The following SCAPER variants were observed in gnomAD, a reference collection of about 807,000 sequenced individuals.
SCAPER encodes the protein S phase cyclin A-associated protein in the endoplasmic reticulum.
A neutral mutation model predicts 182.2 loss-of-function variants in SCAPER; 98 were observed. The observed-to-expected ratio is 0.54, with a 90% CI of 0.46 to 0.64. The LOEUF is 0.64. SCAPER is among the 30% of genes least tolerant of loss of function. The pLI, the probability that SCAPER is intolerant of heterozygous loss-of-function variation, is 0.00. For missense variants in SCAPER, 1,432 were observed against 1,690.0 expected (o/e 0.85, Z 2.68); for synonymous variants, 605 against 564.6 (o/e 1.07, Z -1.01).
intron 5 of SCAPER, among the ~76,000 whole-genome samples, chr15:76,831,099 A>G (rs1394366770): frequency 6.6e-6 from 1 of 152,164 alleles, no homozygotes; most frequent in Non-Finnish European, 1.5e-5. Context: ...TCCAAACTGC[A>G]TGGAGCCCAG....
At chr15:76,537,634 T>G (rs1406334050) in intron 23 of SCAPER, among the ~76,000 whole-genome samples, 1 of 151,904 alleles carries the variant, frequency 6.6e-6, no homozygotes, top group Non-Finnish European at 1.5e-5. Flanking sequence ...AACCTAGGCA[T>G]TACCATTCAG....
chr15:76,551,497 T>G (rs563706137), intron 23 of SCAPER, among the ~76,000 whole-genome samples: 10 of 152,048 alleles, frequency 6.6e-5, no homozygotes, highest in Non-Finnish European at 4.4e-5. Flanking sequence ...ATTTGTGGAA[T>G]CTAAAAAAAC....
At chr15:76,533,570 C>T (rs283787) in intron 23 of SCAPER, among the ~76,000 whole-genome samples, 148,714 of 152,018 alleles carry the variant, frequency 0.98, 72,824 homozygotes, top group South Asian at 1. Flanking sequence ...AACGATGACG[C>T]TGCCTAAGGA....
At chr15:76,611,332 A>C (rs915365709) in intron 22 of SCAPER, among the ~76,000 whole-genome samples, 1 of 152,184 alleles carries the variant, frequency 6.6e-6, no homozygotes, top group Admixed American at 6.5e-5. Flanking sequence ...AAAATGAAAA[A>C]GAAATTGATA....
intron 23 of SCAPER, among the ~76,000 whole-genome samples, chr15:76,515,416 C>T (rs1173869232): frequency 1.3e-5 from 2 of 152,118 alleles, no homozygotes; most frequent in African/African-American, 2.4e-5. Context: ...AACTATGGTT[C>T]CTTTTTTCTT....
At chr15:76,643,861 TCCTCCCC>T (rs1305398068) in intron 21 of SCAPER, among the ~76,000 whole-genome samples, 4 of 151,950 alleles carry the variant, frequency 2.6e-5, no homozygotes, top group African/African-American at 4.8e-5. Context: ...AAATATAGAT[TCCTCCCC>T]TAAAACCAAG....
intron 8 of SCAPER, among the ~76,000 whole-genome samples, chr15:76,786,551 A>G (rs1015918879): frequency 6.6e-6 from 1 of 152,156 alleles, no homozygotes; most frequent in Non-Finnish European, 1.5e-5. Context: ...TAGTGGTGCA[A>G]AACTGCTTTC....
At chr15:76,608,851 C>T (rs62030424) in intron 22 of SCAPER, among the ~76,000 whole-genome samples, 1 of 152,096 alleles carries the variant, frequency 6.6e-6, no homozygotes, top group Non-Finnish European at 1.5e-5. Flanking sequence ...TCCTGGTGTG[C>T]CGTTTTTTAA....
chr15:76,443,822 G>T (rs1221045631), intron 25 of SCAPER, among the ~76,000 whole-genome samples: 1 of 152,158 alleles, frequency 6.6e-6, no homozygotes, highest in Non-Finnish European at 1.5e-5. Flanking sequence ...CTTCTTGGAA[G>T]AACTGCAATA....
intron 1 of SCAPER, among the ~76,000 whole-genome samples, chr15:76,893,211 G>A (rs1459009363): frequency 6.6e-6 from 1 of 152,074 alleles, no homozygotes; most frequent in African/African-American, 2.4e-5. Flanking sequence ...AGCATTAGGA[G>A]AAATACCTAA....
intron 17 of SCAPER, among the ~76,000 whole-genome samples, chr15:76,720,425 A>C (rs1055552308): frequency 6.6e-6 from 1 of 152,080 alleles, no homozygotes; most frequent in Non-Finnish European, 1.5e-5. Context: ...ATGATTTATA[A>C]TCCTTTGGGT....
At chr15:76,449,193 A>G (rs1282240600) in intron 25 of SCAPER, among the ~76,000 whole-genome samples, 17 of 152,176 alleles carry the variant, frequency 1.1e-4, no homozygotes, top group Non-Finnish European at 2.9e-5. Flanking sequence ...CTACTAAACC[A>G]TATGTGAAAT....
chr15:76,571,012 T>C (rs544972124), intron 23 of SCAPER, among the ~76,000 whole-genome samples: 1 of 152,246 alleles, frequency 6.6e-6, no homozygotes, highest in East Asian at 1.9e-4. Flanking sequence ...AGTAGGTTAA[T>C]GTGGTCTTAT....
In SCAPER at chr15:76,440,856, G is replaced by C. The variant is rs1427472520; in HGVS notation, c.3079-6546C>G. Among the ~76,000 whole-genome samples the C allele has an allele frequency of 6.1e-5, 9 of 146,494 alleles. No homozygotes were observed. In the South Asian group the frequency reaches 1.8e-3, roughly 29 times the overall value. ...TGAAAATATAAAAGGAAATCACATA[G>C]AAGTGGCTAGTAGTTCCTCACTATT... On this transcript the variant is annotated intron_variant, in intron 25 of 31. Coordinates refer to ENST00000563290, the MANE Select transcript of SCAPER (RefSeq NM_020843.4).
intron 27 of SCAPER, among the ~76,000 whole-genome samples, chr15:76,393,510 C>G (rs2043848169): frequency 6.6e-6 from 1 of 152,202 alleles, no homozygotes; most frequent in South Asian, 2.1e-4. Flanking sequence ...TAGAAGGCAG[C>G]TGAGAACAGG....
chr15:76,597,772 C>A (rs2049618590), intron 22 of SCAPER, among the ~76,000 whole-genome samples: 1 of 120,638 alleles, frequency 8.3e-6, no homozygotes, highest in African/African-American at 2.5e-5. Context: ...AATTGGACCC[C>A]TTCCTTACAC....
chr15:76,558,698 C>T (rs947591037), intron 23 of SCAPER, among the ~76,000 whole-genome samples: 2 of 152,098 alleles, frequency 1.3e-5, no homozygotes, highest in Admixed American at 6.6e-5. Context: ...ATAAATTGTT[C>T]TACCATAAAG....
chr15:76,393,218 C>T (rs1166296803), intron 27 of SCAPER, among the ~76,000 whole-genome samples: 1 of 152,242 alleles, frequency 6.6e-6, no homozygotes, highest in Non-Finnish European at 1.5e-5. Flanking sequence ...AGGACAGTCA[C>T]TCCTCCTTAT....
At chr15:76,472,095 TGCCATGCCCAAGAAAAAGCTGAAGGGG>T (rs1334895704) in intron 24 of SCAPER, 2 of 350,696 alleles carry the variant, frequency 5.7e-6, no homozygotes, top group African/African-American at 4.3e-5. Flanking sequence ...GCCGCATCAC[TGCCATGCCCAAGAAAAAGCTGAAGGGG>T]ATGCTACAGG....
Sources: allele counts gnomAD v4.1 joint callset (sites outside exome capture counted in the v4.1 genomes callset), GRCh38; gene constraint gnomAD v4.1.1; transcripts MANE v1.5; gene names NCBI Gene and HGNC (gene_info 2026-07-23, HGNC 2026-07-21).